CHD1: variants seen among roughly 807,000 people sequenced by gnomAD.
The protein encoded by CHD1 is ATP-dependent chromatin remodeler CHD1.
Under a neutral mutation model 224.2 loss-of-function variants are expected in CHD1, and 36 were observed. That is an observed-to-expected ratio of 0.16 (90% CI 0.12 to 0.21). The LOEUF (loss-of-function observed/expected upper bound fraction) is 0.21, where lower values mean the gene tolerates loss of function less well. Among genes scored for constraint, CHD1 ranks in the 10% least tolerant of loss-of-function variants. CHD1 has a pLI of 1.00. For missense variants in CHD1, 1,378 were observed against 1,994.8 expected, an observed-to-expected ratio of 0.69 and a Z score of 5.89; for synonymous variants, 668 against 658.3, an observed-to-expected ratio of 1.01 and a Z score of -0.23.
chr5:98,885,692 G>T, intron 17 of CHD1, 43 bp from the exon 18 acceptor site: 2 of 1,083,226 alleles, frequency 1.8e-6, no homozygotes, highest in Non-Finnish European at 2.8e-6. Flanking sequence ...CAGAATCAAA[G>T]TATTACAAAG....
chr5:98,886,481 A>T (rs888750135), intron 17 of CHD1, among the ~76,000 whole-genome samples: 1 of 152,216 alleles, frequency 6.6e-6, no homozygotes, highest in African/African-American at 2.4e-5. Context: ...TTCACTTTAG[A>T]AATGGCAATG....
chr5:98,911,141 AAAAAAAT>A (rs1199962370), intron 2 of CHD1, among the ~76,000 whole-genome samples: 7 of 114,742 alleles, frequency 6.1e-5, no homozygotes, highest in South Asian at 2.8e-4. Flanking sequence ...AAAAAAAAAA[AAAAAAAT>A]ATATATATAT....
intron 19 of CHD1, 51 bp from the exon 20 acceptor site, chr5:98,882,174 G>T (rs909850036): frequency 7.4e-5 from 113 of 1,526,812 alleles, no homozygotes; most frequent in Non-Finnish European, 1.0e-4. Context: ...GATTTGTTTT[G>T]CTAACCTCAA....
chr5:98,888,372 T>C (rs1310469877), intron 16 of CHD1, 132 bp from the exon 17 acceptor site: 5 of 693,566 alleles, frequency 7.2e-6, no homozygotes, highest in Non-Finnish European at 1.1e-5. Context: ...TTATTTCACT[T>C]TTCAAAATTT....
Position 98,856,401 on chromosome 5 carries a change from G to T in CHD1, c.5112C>A (p.Thr1704=), listed in dbSNP as rs1005828855. Reference sequence around the variant, plus strand: ...TTTGTTATGTTTTCCGACTACTCCAGGTATGCTCCGGTGTACTTTTGTGTT... The same window carrying T: ...TTTGTTATGTTTTCCGACTACTCCATGTATGCTCCGGTGTACTTTTGTGTT... The part of the protein sequence containing the change: ...SVEHKSTPEH[T]WSSRKT Residue 1704 remains threonine, a synonymous_variant, in exon 36 of 36, where the codon ACC becomes ACA. Transcript: ENST00000614616. 1.2e-6 allele frequency: 2 copies of T among 1,612,430 alleles called. No homozygotes were observed. The highest frequency in any genetic ancestry group is 1.7e-5 in the Admixed American group (1 of 59,950).
intron 2 of CHD1, among the ~76,000 whole-genome samples, chr5:98,925,100 C>A (rs922007376): frequency 6.6e-6 from 1 of 151,902 alleles, no homozygotes. Context: ...GTTTCTTGTC[C>A]ACCCCCATGT....
chr5:98,898,137 C>T, intron 10 of CHD1, 119 bp downstream of exon 10: 1 of 496,888 alleles, frequency 2.0e-6, no homozygotes, highest in East Asian at 3.7e-5. Context: ...ACCTATTAAC[C>T]AAGAAATATT....
At chr5:98,894,795 T>C (rs1751239979) in intron 12 of CHD1, 109 bp from the exon 13 acceptor site, 3 of 530,174 alleles carry the variant, frequency 5.7e-6, no homozygotes, top group Admixed American at 6.9e-5. Context: ...TAACTATTAA[T>C]ATATGTTTAT....
At chr5:98,908,103 C>A (rs1024144617) in intron 2 of CHD1, among the ~76,000 whole-genome samples, 1 of 152,082 alleles carries the variant, frequency 6.6e-6, no homozygotes, top group Non-Finnish European at 1.5e-5. Context: ...ATCTATGAGA[C>A]CTTTCAGGAT....
intron 2 of CHD1, among the ~76,000 whole-genome samples, chr5:98,919,785 G>A (rs955875630): frequency 1.3e-5 from 2 of 152,250 alleles, no homozygotes; most frequent in East Asian, 1.9e-4. Flanking sequence ...AGATACGTAG[G>A]TATACATAAT....
rs781022370 is a variant in CHD1 at position 98,868,554 on chromosome 5, C to T, written c.4189G>A (p.Gly1397Ser). 4 of 1,612,936 alleles carry T rather than the reference C, an allele frequency of 2.5e-6. No homozygotes were observed. The highest frequency in any genetic ancestry group is 3.4e-6 in the Non-Finnish European group (4 of 1,179,676). ...TCTTCAGAAATGGGAACTGGTTCAC[C>T]ACTTGCCGTGATATGAACTGGAGCA... Reference protein sequence around the residue: ...SDAPVHITASGEPVPISEESE... With the variant: ...SDAPVHITASSEPVPISEESE... The change falls in exon 31 of 36, where the codon GGT (glycine) becomes AGT (serine). Residue 1397 changes from glycine to serine, a missense_variant. Coordinates refer to ENST00000614616, the MANE Select transcript of CHD1 (RefSeq NM_001270.4).
chr5:98,869,723 A>T, intron 30 of CHD1, 31 bp downstream of exon 30: 1 of 1,604,712 alleles, frequency 6.2e-7, no homozygotes, highest in Non-Finnish European at 8.5e-7. Flanking sequence ...CTTTCCATAG[A>T]AAAGGTTGTT....
Position 98,872,037 on chromosome 5 carries a change from A to G in CHD1, c.3861+14T>C. ...CAACATGAATGGTTAACAGAATCAG[A>G]AATAGATAAATACCTTGTGTGTTAG... On this transcript the variant is annotated intron_variant, in intron 28 of 35. Transcript: ENST00000614616. The G allele has an allele frequency of 6.3e-7, 1 of 1,584,700 alleles. No individual in the cohort carries two copies. The highest frequency in any genetic ancestry group is 8.6e-7 in the Non-Finnish European group (1 of 1,164,076).
chr5:98,867,584 A>G (rs1748978639), intron 31 of CHD1, among the ~76,000 whole-genome samples: 1 of 152,126 alleles, frequency 6.6e-6, no homozygotes, highest in South Asian at 2.1e-4. Context: ...GTACATATTT[A>G]TTTTTTAATG....
At chr5:98,914,029 G>A (rs161957) in intron 2 of CHD1, among the ~76,000 whole-genome samples, 20,850 of 151,998 alleles carry the variant, frequency 0.14, 1,811 homozygotes, top group Middle Eastern at 0.27. Flanking sequence ...CATCCCCCCA[G>A]TTTAGGTTGA....
intron 15 of CHD1, among the ~76,000 whole-genome samples, chr5:98,890,738 C>A (rs1213753341): frequency 1.3e-5 from 2 of 152,046 alleles, no homozygotes; most frequent in Non-Finnish European, 2.9e-5. Context: ...TATTATCAAG[C>A]ACCTACATCT....
chr5:98,900,921 G>C lies in CHD1; in HGVS notation c.749C>G (p.Thr250Arg). The C allele has an allele frequency of 6.2e-7, 1 of 1,614,080 alleles. No homozygotes were observed. The highest frequency in any genetic ancestry group is 8.5e-7 in the Non-Finnish European group (1 of 1,179,980). The change falls in exon 7 of 36, where the codon ACA becomes AGA. Residue 250 changes from threonine to arginine, a missense_variant. Thr to Arg is a moderately conservative substitution (Grantham distance 71, BLOSUM62 -1). Coordinates refer to ENST00000614616, the MANE Select transcript of CHD1 (RefSeq NM_001270.4). Reference sequence around the variant, plus strand: ...GACTTCCAGTAGGTCATCAGAATCTGTTTTCATTTCTTCATCCTCCTTATA... The same window carrying C: ...GACTTCCAGTAGGTCATCAGAATCTCTTTTCATTTCTTCATCCTCCTTATA... ...VSYKEDEEMK[T>R]DSDDLLEVCG...
At chr5:98,897,906 A>G (rs1751445592) in intron 10 of CHD1, among the ~76,000 whole-genome samples, 1 of 152,176 alleles carries the variant, frequency 6.6e-6, no homozygotes, top group Non-Finnish European at 1.5e-5. Flanking sequence ...TCTAGTTTCC[A>G]AGGGTTTTTT....
chr5:98,921,424 A>T (rs954284662), intron 2 of CHD1, among the ~76,000 whole-genome samples: 1 of 152,192 alleles, frequency 6.6e-6, no homozygotes, highest in Non-Finnish European at 1.5e-5. Flanking sequence ...CATAAGAATC[A>T]CTTAGAATCT....
Sources: gnomAD v4.1 joint callset for allele counts (sites outside exome capture counted in the v4.1 genomes callset) on GRCh38, gnomAD v4.1.1 for gene constraint, MANE v1.5 for transcripts, NCBI Gene and HGNC (gene_info 2026-07-23, HGNC 2026-07-21) for gene names.